The following CWC25 variants were observed in gnomAD, a reference collection of about 807,000 sequenced individuals.
The protein encoded by CWC25 is CWC25 spliceosome associated protein.
In CWC25, 31 loss-of-function variants were observed where a neutral mutation model predicts 54.6. That is an observed-to-expected ratio of 0.57 (90% confidence interval 0.43 to 0.77). The LOEUF is 0.77. CWC25 is among the 30% of genes least tolerant of loss of function. The pLI is 0.00. For missense variants in CWC25, 453 were observed against 529.3 expected (o/e 0.86, Z 1.41); for synonymous variants, 151 against 187.0 (o/e 0.81, Z 1.57).
intron 7 of CWC25, 132 bp from the exon 8 acceptor site, chr17:38,806,527 AG>A: frequency 2.3e-6 from 2 of 863,778 alleles, no homozygotes; most frequent in Non-Finnish European, 3.6e-6. Flanking sequence ...ACAAAGGTAT[AG>A]GGTTTGATGT....
rs1336578317 is a variant in CWC25 at position 38,816,862 on chromosome 17, T to C, written c.192-1765A>G. On this transcript the variant is annotated intron_variant, in intron 2 of 9. Transcript: ENST00000614790. ...ACCAAGACTGGCTAATTTTTTGTAC[T>C]TTTAGTAAAGACGAGGTTTCACCGT... is the stretch of plus-strand genomic sequence containing the variant. Among the ~76,000 whole-genome samples the C allele has an allele frequency of 2.0e-5, 3 of 151,934 alleles. No homozygotes were observed. The East Asian group carries it at 5.9e-4, about 30-fold the overall frequency.
In CWC25 at chr17:38,801,299, A is replaced by G. The variant is rs1375551374; in HGVS notation, c.*793T>C. 6.6e-6 allele frequency: 1 copy of G among 152,104 alleles called. No individual in the cohort carries two copies. The highest frequency in any genetic ancestry group is 1.5e-5 in the Non-Finnish European group (1 of 68,014). The allele number at this position is 152,104 out of a possible 1,614,324, so 9.4% of individuals were successfully genotyped here. A position where few individuals can be genotyped will look rare whatever the true frequency, so the allele number is the denominator to read the frequency against. ...TACCTTTACACTGCCTACATTGGAG[A>G]CTGCAAGCAGTGGAAAAGAATAGAT... On this transcript the variant is annotated 3_prime_UTR_variant, in exon 10 of 10. Coordinates refer to ENST00000614790, the MANE Select transcript of CWC25 (RefSeq NM_017748.5).
chr17:38,813,306 A>G (rs897654669), intron 3 of CWC25, among the ~76,000 whole-genome samples: 27 of 151,742 alleles, frequency 1.8e-4, no homozygotes, highest in Non-Finnish European at 3.8e-4. Flanking sequence ...TACCAAAAAA[A>G]ACAAAACAAA....
intron 6 of CWC25, among the ~76,000 whole-genome samples, chr17:38,808,055 C>CAAAAAAA (rs61226105): frequency 3.8e-5 from 2 of 52,760 alleles, no homozygotes; most frequent in Non-Finnish European, 8.1e-5. Flanking sequence ...GACTCCATCT[C>CAAAAAAA]AAAAAAAAAA....
At chr17:38,803,454 A>G (rs1310140394) in intron 8 of CWC25, among the ~76,000 whole-genome samples, 1 of 151,968 alleles carries the variant, frequency 6.6e-6, no homozygotes, top group Non-Finnish European at 1.5e-5. Context: ...ACATGGGGAA[A>G]CCCTGTCTCT....
chr17:38,820,424 G>A (rs981871865), intron 2 of CWC25, among the ~76,000 whole-genome samples: 7 of 152,058 alleles, frequency 4.6e-5, no homozygotes, highest in African/African-American at 9.7e-5. Context: ...GGCATTGGCC[G>A]TAATCACTCA....
At chr17:38,809,870 C>A in intron 5 of CWC25, 105 bp from the exon 6 acceptor site, 1 of 1,010,920 alleles carries the variant, frequency 9.9e-7, no homozygotes, top group Non-Finnish European at 1.5e-6. Flanking sequence ...GTGACCTTTC[C>A]GCCTCCCAGC....
intron 2 of CWC25, among the ~76,000 whole-genome samples, chr17:38,816,918 G>A (rs1229709396): frequency 1.3e-5 from 2 of 150,502 alleles, no homozygotes; most frequent in African/African-American, 2.4e-5. Flanking sequence ...TCCTGACCCC[G>A]TGATCTGCCA....
intron 9 of CWC25, 78 bp downstream of exon 9, chr17:38,802,622 T>G: frequency 1.3e-6 from 2 of 1,538,188 alleles, no homozygotes; most frequent in Middle Eastern, 4.6e-4. Context: ...ACAGAAACAC[T>G]GGAACGGGAA....
intron 2 of CWC25, among the ~76,000 whole-genome samples, chr17:38,816,912 G>T (rs1316938943): frequency 1.3e-5 from 2 of 149,362 alleles, no homozygotes; most frequent in Non-Finnish European, 3.0e-5. Flanking sequence ...TCGATCTCCT[G>T]ACCCCGTGAT....
chr17:38,819,614 C>T (rs1414830570), intron 2 of CWC25, among the ~76,000 whole-genome samples: 5 of 150,878 alleles, frequency 3.3e-5, no homozygotes, highest in African/African-American at 7.3e-5. Flanking sequence ...TCAGGTGATC[C>T]GCCCACCTCG....
At chr17:38,812,455 C>CCGT (rs949432223) in intron 4 of CWC25, among the ~76,000 whole-genome samples, 1 of 152,082 alleles carries the variant, frequency 6.6e-6, no homozygotes, top group African/African-American at 2.4e-5. Flanking sequence ...TGAATAAACC[C>CCGT]CGTCTCTACT....
At chr17:38,811,961 A>T (rs1379725294) in intron 4 of CWC25, among the ~76,000 whole-genome samples, 1 of 151,044 alleles carries the variant, frequency 6.6e-6, no homozygotes, top group Non-Finnish European at 1.5e-5. Context: ...TTTTTGAGAC[A>T]GAGTTTCGCT....
At chr17:38,819,916 C>T (rs1911854417) in intron 2 of CWC25, among the ~76,000 whole-genome samples, 2 of 152,198 alleles carry the variant, frequency 1.3e-5, no homozygotes, top group African/African-American at 4.8e-5. Flanking sequence ...AAGTGATCTG[C>T]CCGCCTCGGC....
Position 38,809,737 on chromosome 17 carries a change from G to A in CWC25, c.655C>T (p.Pro219Ser), listed in dbSNP as rs1260789843. 5 of 1,613,582 alleles carry A rather than the reference G, an allele frequency of 3.1e-6. No individual in the cohort carries two copies. In the African/African-American group the frequency reaches 5.3e-5, roughly 17 times the overall value. The change falls in exon 6 of 10, where the codon CCT becomes TCT. Residue 219 changes from proline (P) to serine (S), a missense_variant. Pro to Ser is a moderately conservative substitution (Grantham distance 74). This residue lies in a region of CWC25 where 444 missense variants were observed against 499.2 expected (regional missense o/e 0.89). Coordinates refer to ENST00000614790, the MANE Select transcript of CWC25 (RefSeq NM_017748.5). ...RSQKKMANSS[P>S]VLSKVPGYGL... Reference sequence around the variant, plus strand: ...TATCCAGGGACTTTGGACAAAACAGGGGAGGAATTTGCCATCTTCTTCTGT... The same window carrying A: ...TATCCAGGGACTTTGGACAAAACAGAGGAGGAATTTGCCATCTTCTTCTGT...
At chr17:38,814,585 A>G (rs1466676386) in intron 3 of CWC25, among the ~76,000 whole-genome samples, 1 of 151,562 alleles carries the variant, frequency 6.6e-6, no homozygotes, top group Non-Finnish European at 1.5e-5. Context: ...CTGCTAAAAA[A>G]TACAACAAAA....
chr17:38,809,508 T>C (rs1911399426), intron 6 of CWC25, among the ~76,000 whole-genome samples, 194 bp downstream of exon 6: 1 of 151,944 alleles, frequency 6.6e-6, no homozygotes, highest in Non-Finnish European at 1.5e-5. Context: ...ATGGGTAGAA[T>C]GTCTCAATGC....
intron 8 of CWC25, 39 bp downstream of exon 8, chr17:38,806,258 C>A: frequency 2.0e-6 from 3 of 1,531,860 alleles, no homozygotes; most frequent in African/African-American, 1.4e-5. Flanking sequence ...TAGATTCAGG[C>A]CTGCAAAATG....
In CWC25 at chr17:38,802,760, T is replaced by A. The variant is rs750311387; in HGVS notation, c.1103A>T (p.Lys368Met). 2.5e-6 allele frequency: 4 copies of A among 1,613,918 alleles called. No homozygotes were observed. The highest frequency in any genetic ancestry group is 3.4e-6 in the Non-Finnish European group (4 of 1,179,908). Residue 368 changes from lysine (K) to methionine (M), a missense_variant, in exon 9 of 10, where the codon AAG (lysine) becomes ATG (methionine). By Grantham distance (95) the Lys-to-Met change is moderately conservative. This residue lies in a region of CWC25 where 444 missense variants were observed against 499.2 expected (regional missense o/e 0.89). Transcript: ENST00000614790. ...ERLNILKRHA[K>M]DEEREQRLEK... ...TAGCCTCTGCTCCCGTTCCTCATCC[T>A]TAGCATGCCTCTTGAGGATGTTCAG...
Sources: gnomAD v4.1 joint callset for allele counts (sites outside exome capture counted in the v4.1 genomes callset) on GRCh38, gnomAD v4.1.1 for gene constraint, gnomAD v4.1.1 regional missense constraint, MANE v1.5 for transcripts, NCBI Gene and HGNC (gene_info 2026-07-23, HGNC 2026-07-21) for gene names.